The following ACAT1 variants were observed in gnomAD, a reference collection of about 807,000 sequenced individuals.
The protein encoded by ACAT1 is acetyl-CoA acetyltransferase, mitochondrial.
A neutral mutation model predicts 47.3 loss-of-function variants in ACAT1; 28 were observed. The ratio of observed to expected loss-of-function variants is 0.59; its 90% CI spans 0.44 to 0.81. ACAT1 has a LOEUF of 0.81. Ranked by LOEUF, ACAT1 falls within the 30% of genes least tolerant of loss-of-function variation. The pLI is 0.00. For missense variants in ACAT1, 469 were observed against 524.3 expected, an observed-to-expected ratio of 0.89 and a Z score of 1.03; for synonymous variants, 181 against 173.6, an observed-to-expected ratio of 1.04 and a Z score of -0.34.
In ACAT1 at chr11:108,142,454, A is replaced by C. The variant is rs750195919; in HGVS notation, c.844A>C (p.Asn282His). ...GCTTTCAGGCACAGTAACAGCTGCC[A>C]ATGCCAGTACACTGAATGATGGAGC... ...QKENGTVTAA[N>H]ASTLNDGAAA... Residue 282 changes from asparagine to histidine, a missense_variant, in exon 9 of 12, where the codon AAT becomes CAT. Asn to His is a moderately conservative substitution (Grantham distance 68, BLOSUM62 1). Transcript: ENST00000265838. 6.2e-7 allele frequency: 1 copy of C among 1,614,164 alleles called. No homozygotes were observed. Among genetic ancestry groups the C allele is most frequent in the Non-Finnish European group, 8.5e-7 (1 of 1,179,996 alleles).
intron 1 of ACAT1, 108 bp downstream of exon 1, chr11:108,121,786 C>T (rs1373120920): frequency 3.1e-6 from 4 of 1,301,840 alleles, no homozygotes; most frequent in East Asian, 2.5e-5. Context: ...GGGCGCGCGG[C>T]TTAGGCCCCA....
chr11:108,121,656 C>T lies in ACAT1; in HGVS notation c.50C>T (p.Pro17Leu). The change falls in exon 1 of 12, where the codon CCC becomes CTC. Residue 17 changes from proline to leucine, a missense_variant. By Grantham distance (98) the Pro-to-Leu change is moderately conservative. Coordinates refer to ENST00000265838, the MANE Select transcript of ACAT1 (RefSeq NM_000019.4). Reference sequence around the variant, plus strand: ...CGCAGCGGCGCCCGCAGCCGCAGCCCCCTGCTCCGGAGGCTGGTGCAGGTG... The same window carrying T: ...CGCAGCGGCGCCCGCAGCCGCAGCCTCCTGCTCCGGAGGCTGGTGCAGGTG... The part of the protein sequence containing the change: ...LLRSGARSRS[P>L]LLRRLVQEIR... 6.5e-7 allele frequency: 1 copy of T among 1,549,760 alleles called. No homozygotes were observed.
At chr11:108,128,594 C>T (rs551667622) in intron 1 of ACAT1, 6 of 152,022 alleles carry the variant, frequency 3.9e-5, no homozygotes, top group East Asian at 1.9e-4. Context: ...GGTGAAAGCT[C>T]GGGAATGTGG....
intron 6 of ACAT1, among the ~76,000 whole-genome samples, chr11:108,139,372 C>A (rs977697518): frequency 6.6e-6 from 1 of 152,024 alleles, no homozygotes; most frequent in Non-Finnish European, 1.5e-5. Flanking sequence ...AGGTGGATCA[C>A]CTGGGGTCAG....
chr11:108,138,756 G>A, intron 5 of ACAT1, 142 bp from the exon 6 acceptor site: 1 of 942,840 alleles, frequency 1.1e-6, no homozygotes, highest in Non-Finnish European at 1.7e-6. Flanking sequence ...AAGTGGTAAA[G>A]AGGGTACTTC....
chr11:108,138,964 A>G lies in ACAT1; in HGVS notation c.502A>G (p.Thr168Ala), dbSNP rs577313004. Residue 168 changes from threonine to alanine, a missense_variant, in exon 6 of 12, where the codon ACA becomes GCA. Thr to Ala is a moderately conservative substitution (Grantham distance 58, BLOSUM62 0). Transcript: ENST00000265838. The stretch of plus-strand genomic sequence containing the variant: ...TCCATATGTAATGAACAGAGGATCA[A>G]CACCATATGGTGGGGTAAAGCTTGA... ...NVPYVMNRGS[T>A]PYGGVKLEDL... 26 of 1,614,166 alleles carry G rather than the reference A, an allele frequency of 1.6e-5. No homozygotes were observed. Among genetic ancestry groups the G allele is most frequent in the Middle Eastern group, 3.3e-4 (2 of 6,062 alleles).
At chr11:108,146,863 C>T (rs893297204) in intron 11 of ACAT1, among the ~76,000 whole-genome samples, 3 of 152,210 alleles carry the variant, frequency 2.0e-5, no homozygotes, top group Non-Finnish European at 2.9e-5. Context: ...GAACAGATCA[C>T]GAGGTCAAGA....
intron 5 of ACAT1, chr11:108,136,358 G>T (rs979630770): frequency 2.0e-5 from 7 of 356,770 alleles, no homozygotes; most frequent in African/African-American, 1.5e-4. Context: ...TGAACATTTT[G>T]GTATTTGCAA....
At chr11:108,134,119 A>AG in intron 3 of ACAT1, 102 bp from the exon 4 acceptor site, 1 of 1,265,148 alleles carries the variant, frequency 7.9e-7, no homozygotes, top group East Asian at 2.4e-5. Context: ...TGACAAAAAA[A>AG]AGAAACCATT....
At chr11:108,139,810 GCCCC>G (rs2077550531) in intron 6 of ACAT1, among the ~76,000 whole-genome samples, 2 of 145,062 alleles carry the variant, frequency 1.4e-5, no homozygotes, top group Non-Finnish European at 3.1e-5. Flanking sequence ...ACAGGCACGT[GCCCC>G]CATGCCCGGC....
intron 10 of ACAT1, among the ~76,000 whole-genome samples, chr11:108,145,463 G>T (rs116938054): frequency 6.6e-6 from 1 of 150,486 alleles, no homozygotes; most frequent in Admixed American, 6.6e-5. Context: ...AGCCTGGGAG[G>T]TCAAGGCTGC....
intron 5 of ACAT1, 54 bp from the exon 6 acceptor site, chr11:108,138,844 T>C: frequency 1.9e-6 from 3 of 1,610,042 alleles, no homozygotes; most frequent in Non-Finnish European, 2.6e-6. Flanking sequence ...AAGGGTGTCA[T>C]GGGTTTGCAA....
At chr11:108,121,428 C>T (rs2077144758), upstream of ACAT1, 4 of 693,038 alleles carry the variant, frequency 5.8e-6, no homozygotes, top group South Asian at 3.4e-5. Flanking sequence ...GCCCAGGCTG[C>T]GGTGTCCCAG....
At chr11:108,121,318 G>A (rs1393888724), upstream of ACAT1, 3 of 553,950 alleles carry the variant, frequency 5.4e-6, no homozygotes, top group East Asian at 9.3e-5. Flanking sequence ...GGCCCCGGCA[G>A]GTTAGACTTG....
intron 2 of ACAT1, among the ~76,000 whole-genome samples, chr11:108,132,564 AT>A (rs1388072410): frequency 6.6e-6 from 1 of 152,090 alleles, no homozygotes; most frequent in Non-Finnish European, 1.5e-5. Context: ...TTAAGAAATT[AT>A]GGCTCTGGGC....
rs76741820 is a variant in ACAT1, at chr11:108,137,447, T to C, written c.436-1451T>C. 4.6e-5 allele frequency among the ~76,000 whole-genome samples: 7 copies of C among 152,296 alleles called. No individual in the cohort carries two copies. The East Asian group carries it at 1.4e-3, about 29-fold the overall frequency. On this transcript the variant is annotated intron_variant, in intron 5 of 11. Coordinates refer to ENST00000265838, the MANE Select transcript of ACAT1 (RefSeq NM_000019.4). ...GATCAGACTTACATTCTAGCCAAAATGAGTCAGATGAGTGTTGATGATGCT... is the reference window on the plus strand; with the variant it reads ...GATCAGACTTACATTCTAGCCAAAACGAGTCAGATGAGTGTTGATGATGCT...
chr11:108,142,344 T>C (rs914173324), intron 8 of ACAT1, 93 bp from the exon 9 acceptor site: 2 of 963,096 alleles, frequency 2.1e-6, no homozygotes, highest in African/African-American at 3.2e-5. Context: ...TCTTTAAACA[T>C]TTAGCAGCCC....
intron 9 of ACAT1, chr11:108,143,649 T>TTG (rs1195565466): frequency 5.7e-6 from 1 of 175,284 alleles, no homozygotes; most frequent in African/African-American, 2.4e-5. Flanking sequence ...TAATTCTTTG[T>TTG]TGTAGGGACT....
intron 2 of ACAT1, among the ~76,000 whole-genome samples, chr11:108,132,704 A>G (rs2077385006): frequency 2.6e-5 from 4 of 151,750 alleles, no homozygotes; most frequent in Middle Eastern, 6.8e-3. Flanking sequence ...AATACAAAAA[A>G]TTAGGTGGGC....
Sources: gnomAD v4.1 joint callset for allele counts (sites outside exome capture counted in the v4.1 genomes callset) on GRCh38, gnomAD v4.1.1 for gene constraint, MANE v1.5 for transcripts, NCBI Gene and HGNC (gene_info 2026-07-23, HGNC 2026-07-21) for gene names.